UBOX5: variants seen among roughly 807,000 people sequenced by gnomAD.
UBOX5 encodes U-box domain containing 5.
UBOX5 carries 28 observed loss-of-function variants against 39.0 expected under a neutral mutation model. The ratio of observed to expected loss-of-function variants is 0.72; its 90% CI spans 0.53 to 0.98. The LOEUF is 0.98. Ranked by LOEUF, UBOX5 falls within the 50% of genes least tolerant of loss-of-function variation. The pLI is 0.00. For synonymous variants in UBOX5, 283 were observed against 275.5 expected (o/e 1.03, Z -0.27); for missense variants, 585 against 674.4 (o/e 0.87, Z 1.47).
At chr20:3,139,090 C>T (rs528591474) in intron 1 of UBOX5, among the ~76,000 whole-genome samples, 2 of 152,332 alleles carry the variant, frequency 1.3e-5, no homozygotes, top group South Asian at 4.1e-4. Flanking sequence ...TTGGGCACTT[C>T]AGCTTTTAAA....
rs572489176 is a variant in UBOX5 at position 3,135,349 on chromosome 20, A to T, written c.-41-11943T>A. On this transcript the variant is annotated intron_variant, in intron 1 of 4. Coordinates refer to ENST00000217173, the MANE Select transcript of UBOX5 (RefSeq NM_014948.4). Reference sequence around the variant, plus strand: ...GGAGCCAAGAGGTGAGAACATGAACAAAAGAGAAGGAGCCCTGGGGAAAGG... The same window carrying T: ...GGAGCCAAGAGGTGAGAACATGAACTAAAGAGAAGGAGCCCTGGGGAAAGG... Among the ~76,000 whole-genome samples the T allele has an allele frequency of 2.0e-5, 3 of 152,270 alleles. No individual in the cohort carries two copies. The East Asian group carries it at 5.8e-4, about 29-fold the overall frequency.
chr20:3,145,343 G>T (rs2066550927), intron 1 of UBOX5, among the ~76,000 whole-genome samples: 1 of 152,076 alleles, frequency 6.6e-6, no homozygotes, highest in South Asian at 2.1e-4. Context: ...AGTAGAGATG[G>T]GGTTTTGCCA....
At chr20:3,118,720 C>T (rs1398673851) in intron 3 of UBOX5, among the ~76,000 whole-genome samples, 1 of 151,822 alleles carries the variant, frequency 6.6e-6, no homozygotes, top group Non-Finnish European at 1.5e-5. Context: ...GGCAGTGAGC[C>T]AAGATCGCGC....
chr20:3,123,492 G>A (rs2066353752), intron 1 of UBOX5, 86 bp from the exon 2 acceptor site: 3 of 951,120 alleles, frequency 3.2e-6, no homozygotes, highest in Admixed American at 4.2e-5. Context: ...GAATCAAACA[G>A]GATGGCAACA....
chr20:3,140,409 C>A lies in UBOX5; in HGVS notation c.-41-17003G>T, dbSNP rs552431734. Among the ~76,000 whole-genome samples the A allele has an allele frequency of 3.9e-5, 6 of 152,266 alleles. No individual in the cohort carries two copies. In the South Asian group the frequency reaches 1.2e-3, roughly 32 times the overall value. On this transcript the variant is annotated intron_variant, in intron 1 of 4. Coordinates refer to ENST00000217173, the MANE Select transcript of UBOX5 (RefSeq NM_014948.4). The stretch of plus-strand genomic sequence containing the variant: ...TCTCCTGAGAGACTCAGTCTCAAAA[C>A]AAGATCTACAAAGGTTTTTACTACC...
chr20:3,139,836 A>G (rs2066501830), intron 1 of UBOX5, among the ~76,000 whole-genome samples: 1 of 151,740 alleles, frequency 6.6e-6, no homozygotes, highest in Non-Finnish European at 1.5e-5. Flanking sequence ...CAGCCTCCTG[A>G]GTAACTGGTA....
At chr20:3,157,418 C>T (rs2066697377) in intron 1 of UBOX5, among the ~76,000 whole-genome samples, 1 of 152,220 alleles carries the variant, frequency 6.6e-6, no homozygotes, top group Non-Finnish European at 1.5e-5. Flanking sequence ...TTGTTCTAGA[C>T]TCCATGCTGA....
At chr20:3,133,006 A>G (rs953497555) in intron 1 of UBOX5, among the ~76,000 whole-genome samples, 3 of 152,034 alleles carry the variant, frequency 2.0e-5, no homozygotes, top group African/African-American at 7.2e-5. Context: ...GATTGGGGGA[A>G]AAAGTGATTG....
At chr20:3,147,465 G>C (rs747802573) in intron 1 of UBOX5, 3 of 1,614,162 alleles carry the variant, frequency 1.9e-6, no homozygotes, top group Non-Finnish European at 2.5e-6. Context: ...TGCTGAAGGT[G>C]AGTACTAAGA....
chr20:3,125,883 C>T (rs971812238), intron 1 of UBOX5, among the ~76,000 whole-genome samples: 7 of 151,026 alleles, frequency 4.6e-5, no homozygotes, highest in African/African-American at 9.8e-5. Context: ...GCCGCCACCC[C>T]GTCTGGGAAG....
At chr20:3,142,299 TA>T (rs2148614101) in intron 1 of UBOX5, among the ~76,000 whole-genome samples, 1 of 151,234 alleles carries the variant, frequency 6.6e-6, no homozygotes, top group East Asian at 2.0e-4. Context: ...CCATCTCTAC[TA>T]AAAATACAAA....
chr20:3,124,356 C>T (rs537982588), intron 1 of UBOX5, among the ~76,000 whole-genome samples: 1 of 152,292 alleles, frequency 6.6e-6, no homozygotes, highest in South Asian at 2.1e-4. Context: ...GAGTGCCTGC[C>T]TTGAGTGATC....
chr20:3,113,910 G>A (rs1014611267), intron 4 of UBOX5, among the ~76,000 whole-genome samples: 7 of 152,274 alleles, frequency 4.6e-5, no homozygotes, highest in African/African-American at 1.4e-4. Flanking sequence ...GAGGCAGATG[G>A]ATCACCTGAG....
intron 1 of UBOX5, among the ~76,000 whole-genome samples, chr20:3,128,498 G>C (rs938139685): frequency 4.6e-5 from 7 of 152,174 alleles, no homozygotes; most frequent in African/African-American, 1.4e-4. Flanking sequence ...GGGGCCCTGG[G>C]ACTTGAGAGG....
chr20:3,137,417 C>T (rs1199788946), intron 1 of UBOX5, among the ~76,000 whole-genome samples: 4 of 151,798 alleles, frequency 2.6e-5, no homozygotes, highest in East Asian at 1.9e-4. Flanking sequence ...TACAGGTGCC[C>T]GCCACCATGC....
intron 4 of UBOX5, among the ~76,000 whole-genome samples, chr20:3,111,203 G>A (rs1044071324): frequency 1.3e-5 from 2 of 152,172 alleles, no homozygotes; most frequent in South Asian, 2.1e-4. Flanking sequence ...ACAGGGGATG[G>A]GCTTGCCTGT....
intron 1 of UBOX5, chr20:3,148,344 G>C: frequency 6.2e-7 from 1 of 1,614,158 alleles, no homozygotes. Flanking sequence ...AAAAGGAGCT[G>C]ATCCATATTC....
intron 1 of UBOX5, among the ~76,000 whole-genome samples, chr20:3,157,953 T>TG (rs2066705080): frequency 6.6e-6 from 1 of 151,894 alleles, no homozygotes; most frequent in African/African-American, 2.4e-5. Context: ...TGGAGGGCAG[T>TG]GGTGCAATCT....
chr20:3,144,328 C>T (rs1199547778), intron 1 of UBOX5, among the ~76,000 whole-genome samples: 1 of 152,002 alleles, frequency 6.6e-6, no homozygotes, highest in African/African-American at 2.4e-5. Flanking sequence ...CATAAATAAC[C>T]CCCCACATGT....
Sources: gnomAD v4.1 joint callset for allele counts (sites outside exome capture counted in the v4.1 genomes callset) on GRCh38, gnomAD v4.1.1 for gene constraint, MANE v1.5 for transcripts, NCBI Gene and HGNC (gene_info 2026-07-23, HGNC 2026-07-21) for gene names.